Variants in MRPL21 observed in about 807,000 individuals in gnomAD.
MRPL21 encodes the protein large ribosomal subunit protein bL21m.
MRPL21 carries 20 observed loss-of-function variants against 27.3 expected under a neutral mutation model. The ratio of observed to expected loss-of-function variants is 0.73; its 90% CI spans 0.52 to 1.06. The LOEUF is 1.06. Among genes scored for constraint, MRPL21 ranks in the 50% least tolerant of loss-of-function variants. The probability of loss-of-function intolerance (pLI) is 0.00; values close to 1 mark genes in which losing one functional copy is unlikely to be tolerated. For synonymous variants in MRPL21, 98 were observed against 101.5 expected (o/e 0.97, Z 0.21); for missense variants, 249 against 251.4 (o/e 0.99, Z 0.06).
intron 4 of MRPL21, 138 bp from the exon 5 acceptor site, chr11:68,893,593 C>T (rs2154005507): frequency 4.3e-6 from 5 of 1,156,430 alleles, no homozygotes; most frequent in Non-Finnish European, 6.2e-6. Flanking sequence ...CATCTGCTGT[C>T]TAATGATCTC....
At chr11:68,902,892 T>C (rs894557106) in intron 1 of MRPL21, among the ~76,000 whole-genome samples, 4 of 152,190 alleles carry the variant, frequency 2.6e-5, no homozygotes, top group African/African-American at 9.7e-5. Context: ...GTGGGAAACA[T>C]ACAAGATGTC....
intron 2 of MRPL21, among the ~76,000 whole-genome samples, chr11:68,898,326 G>A (rs1262043676): frequency 6.6e-6 from 1 of 152,184 alleles, no homozygotes; most frequent in African/African-American, 2.4e-5. Context: ...GTGGTGTCTT[G>A]GGGCACATTT....
At position 68,896,497 on chromosome 11, in the gene MRPL21, G is replaced by A. The variant is rs758449147; in HGVS notation, c.396+18C>T. The A allele has an allele frequency of 1.2e-6, 2 of 1,613,268 alleles. No individual in the cohort carries two copies. Among genetic ancestry groups the A allele is most frequent in the South Asian group, 1.1e-5 (1 of 91,076 alleles). Reference sequence around the variant, plus strand: ...GTGGCTGAGTCCCTGAATATCCAGAGAAGCTCGGTGGTCTCACCTTCTCCA... The same window carrying A: ...GTGGCTGAGTCCCTGAATATCCAGAAAAGCTCGGTGGTCTCACCTTCTCCA... On this transcript the variant is annotated intron_variant, in intron 4 of 6. Coordinates refer to ENST00000362034, the MANE Select transcript of MRPL21 (RefSeq NM_181514.2).
chr11:68,891,988 G>T (rs1477903420), intron 6 of MRPL21: 7 of 917,634 alleles, frequency 7.6e-6, no homozygotes, highest in Admixed American at 3.7e-5. Context: ...CCTGCTTGCG[G>T]ATTCACTGCT....
At chr11:68,903,052 T>C (rs1594410427) in intron 1 of MRPL21, among the ~76,000 whole-genome samples, 1 of 152,364 alleles carries the variant, frequency 6.6e-6, no homozygotes, top group Admixed American at 6.5e-5. Context: ...GAAGGACATC[T>C]GGGTTGCTTC....
rs1203724197 is a variant in MRPL21 at position 68,891,317 on chromosome 11, T to C, written c.*14A>G. 1 of 1,612,894 alleles carries C rather than the reference T, an allele frequency of 6.2e-7. No homozygotes were observed. The highest frequency in any genetic ancestry group is 1.1e-5 in the South Asian group (1 of 91,062). On this transcript the variant is annotated 3_prime_UTR_variant, in exon 7 of 7. Coordinates refer to ENST00000362034, the MANE Select transcript of MRPL21 (RefSeq NM_181514.2). Reference sequence around the variant, plus strand: ...GAGTTTATTTTTATCCTTTTGTAAGTATTAACTCGGTAATCACAACAAACA... The same window carrying C: ...GAGTTTATTTTTATCCTTTTGTAAGCATTAACTCGGTAATCACAACAAACA...
chr11:68,900,386 G>C lies in MRPL21; in HGVS notation c.146+162C>G, dbSNP rs141053303. ...GCGGGAGGACCACTTTAGGCCAGGAGTTCAAAACCAGTCTGGGAAACATAG... is the reference window on the plus strand; with the variant it reads ...GCGGGAGGACCACTTTAGGCCAGGACTTCAAAACCAGTCTGGGAAACATAG... On this transcript the variant is annotated intron_variant, in intron 2 of 6. Coordinates refer to ENST00000362034, the MANE Select transcript of MRPL21 (RefSeq NM_181514.2). 539 of 730,870 alleles carry C rather than the reference G, an allele frequency of 7.4e-4. 1 individual carries two copies. In the African/African-American group the frequency reaches 7.5e-3, roughly 10 times the overall value. The allele number at this position is 730,870 out of a possible 1,614,324, so 45.3% of individuals were successfully genotyped here. A position where few individuals can be genotyped will look rare whatever the true frequency, so the allele number is the denominator to read the frequency against.
At chr11:68,900,105 A>G (rs1333859477) in intron 2 of MRPL21, among the ~76,000 whole-genome samples, 1 of 152,236 alleles carries the variant, frequency 6.6e-6, no homozygotes. Flanking sequence ...TTTCTCAAGT[A>G]TAAAATTTTA....
chr11:68,891,465 G>A, intron 6 of MRPL21, 70 bp from the exon 7 acceptor site: 1 of 1,503,538 alleles, frequency 6.7e-7, no homozygotes, highest in Non-Finnish European at 9.2e-7. Context: ...CAGGGGCTCT[G>A]CACACAGCCC....
intron 3 of MRPL21, among the ~76,000 whole-genome samples, chr11:68,897,110 T>C (rs1857811942): frequency 6.6e-6 from 1 of 152,102 alleles, no homozygotes; most frequent in Admixed American, 6.6e-5. Flanking sequence ...GAGAGGACTT[T>C]GCAATGAGGA....
intron 2 of MRPL21, among the ~76,000 whole-genome samples, chr11:68,900,055 TTGTCGAATGTTTTCTGCAG>T (rs1651171804): frequency 6.6e-6 from 1 of 152,214 alleles, no homozygotes; most frequent in Admixed American, 6.5e-5. Context: ...GAGTGGAACT[TTGTCGAATGTTTTCTGCAG>T]TTTATGATAC....
intron 1 of MRPL21, among the ~76,000 whole-genome samples, chr11:68,900,848 A>G (rs1173775947): frequency 6.6e-6 from 1 of 152,240 alleles, no homozygotes; most frequent in Non-Finnish European, 1.5e-5. Context: ...CCACCCGTCC[A>G]CTAACTCATG....
intron 3 of MRPL21, among the ~76,000 whole-genome samples, chr11:68,897,219 T>C (rs557491375): frequency 6.6e-6 from 1 of 152,200 alleles, no homozygotes; most frequent in South Asian, 2.1e-4. Context: ...TCCTGTTATC[T>C]CTGCTCTGAC....
intron 5 of MRPL21, 104 bp from the exon 6 acceptor site, chr11:68,893,097 ATAAAAGT>A (rs1278043832): frequency 1.4e-6 from 2 of 1,381,404 alleles, no homozygotes; most frequent in African/African-American, 2.9e-5. Context: ...TTTGTTGATT[ATAAAAGT>A]AATACGCCCT....
intron 5 of MRPL21, 27 bp from the exon 6 acceptor site, chr11:68,893,020 T>G (rs1410128483): frequency 6.6e-7 from 1 of 1,525,436 alleles, no homozygotes; most frequent in Admixed American, 2.2e-5. Flanking sequence ...TCAACAATAA[T>G]GTACCTTTTG....
Position 68,893,412 on chromosome 11 carries a change from G to T in MRPL21, c.440C>A (p.Pro147Gln), listed in dbSNP as rs772435666. ...ACTTCACAGCCATTACCCGAGGAGT[G>T]GCTTGCCAAGCAGCGTGAAGTTGTC... ...GADNFTLLGK[P>Q]LLGKDLVRVE... Residue 147 changes from proline (P) to glutamine (Q), a missense_variant, in exon 5 of 7, where the codon CCA becomes CAA. Physicochemically the swap from Pro to Gln is moderately conservative, Grantham distance 76 (BLOSUM62 -1). Transcript: ENST00000362034. 6.2e-7 allele frequency: 1 copy of T among 1,614,178 alleles called. No individual in the cohort carries two copies. Among genetic ancestry groups the T allele is most frequent in the Non-Finnish European group, 8.5e-7 (1 of 1,180,032 alleles).
chr11:68,900,604 G>T lies in MRPL21; in HGVS notation c.90C>A (p.Ala30=). ...SILRPSGPGA[A]SLWSASRRFN... is the part of the protein sequence containing the mutation. ...ACCTTCGAGAAGCAGACCAAAGGGA[G>T]GCTGAGGGAAGAAGAGAAACACAGA... Residue 30 remains alanine, a splice_region_variant and synonymous_variant, in exon 2 of 7, where the codon GCC becomes GCA. Coordinates refer to ENST00000362034, the MANE Select transcript of MRPL21 (RefSeq NM_181514.2). 2.5e-6 allele frequency: 4 copies of T among 1,613,036 alleles called. No individual in the cohort carries two copies. The highest frequency in any genetic ancestry group is 3.4e-6 in the Non-Finnish European group (4 of 1,179,024).
chr11:68,892,643 C>T lies in MRPL21; in HGVS notation c.553+247G>A, dbSNP rs141662106. On this transcript the variant is annotated intron_variant, in intron 6 of 6. Coordinates refer to ENST00000362034, the MANE Select transcript of MRPL21 (RefSeq NM_181514.2). ...GGAGAAGGGGAGCGAGGTGGGGTCA[C>T]GTGCGGAGCGTGGAGGAGAAGGGGA... 9.5e-5 allele frequency: 136 copies of T among 1,426,898 alleles called. 5 individuals carry two copies. The African/African-American group carries it at 1.8e-3, about 19-fold the overall frequency. The allele number at this position is 1,426,898 out of a possible 1,614,324, so 88.4% of individuals were successfully genotyped here. A position where few individuals can be genotyped will look rare whatever the true frequency, so the allele number is the denominator to read the frequency against.
intron 5 of MRPL21, 129 bp downstream of exon 5, chr11:68,893,274 T>C: frequency 6.6e-7 from 1 of 1,514,032 alleles, no homozygotes; most frequent in East Asian, 2.4e-5. Context: ...TTATTAAGTA[T>C]AAATGTTGTG....
Sources: gnomAD v4.1 joint callset for allele counts (sites outside exome capture counted in the v4.1 genomes callset) on GRCh38, gnomAD v4.1.1 for gene constraint, MANE v1.5 for transcripts, NCBI Gene and HGNC (gene_info 2026-07-23, HGNC 2026-07-21) for gene names.